The following DST variants were observed in gnomAD, a reference collection of about 807,000 sequenced individuals.
DST encodes the protein dystonin, also known as bullous pemphigoid antigen.
DST carries 253 observed loss-of-function variants against 875.2 expected under a neutral mutation model. The ratio of observed to expected loss-of-function variants is 0.29; its 90% CI spans 0.26 to 0.32. The LOEUF is 0.32. DST is among the 10% of genes least tolerant of loss of function. The pLI is 1.00. For missense variants in DST, 8,287 were observed against 9,111.6 expected (o/e 0.91, Z 3.68); for synonymous variants, 3,124 against 3,197.1 (o/e 0.98, Z 0.77).
chr6:56,500,777 T>C (rs901092440), intron 80 of DST, among the ~76,000 whole-genome samples: 3 of 152,242 alleles, frequency 2.0e-5, no homozygotes, highest in Middle Eastern at 3.4e-3. Context: ...ACAGGTATAA[T>C]TAAGGATTTA....
At chr6:56,753,724 C>T (rs1163026855) in intron 4 of DST, among the ~76,000 whole-genome samples, 2 of 152,010 alleles carry the variant, frequency 1.3e-5, no homozygotes, top group Admixed American at 6.5e-5. Context: ...AATGGGACTC[C>T]AAGAAACCTA....
chr6:56,881,957 A>ACAC (rs1372384878), intron 3 of DST, among the ~76,000 whole-genome samples: 3 of 152,220 alleles, frequency 2.0e-5, no homozygotes, highest in Non-Finnish European at 4.4e-5. Flanking sequence ...GATTTTTCAG[A>ACAC]CACCTCTCAG....
intron 2 of DST, among the ~76,000 whole-genome samples, chr6:56,920,459 C>T (rs1803510843): frequency 6.6e-6 from 1 of 152,044 alleles, no homozygotes; most frequent in Non-Finnish European, 1.5e-5. Context: ...CACCATGCGC[C>T]CAGCTACAAC....
At chr6:56,602,786 T>C in intron 43 of DST, 96 bp downstream of exon 43, 1 of 937,680 alleles carries the variant, frequency 1.1e-6, no homozygotes, top group Non-Finnish European at 1.5e-6. Flanking sequence ...AAATAATCCT[T>C]TGTAGCCTTA....
intron 4 of DST, among the ~76,000 whole-genome samples, chr6:56,769,182 A>T (rs1194795084): frequency 6.6e-6 from 1 of 152,234 alleles, no homozygotes; most frequent in Non-Finnish European, 1.5e-5. Flanking sequence ...TTGGCAAATA[A>T]GCATATAAAA....
chr6:56,593,117 G>A lies in DST; in HGVS notation c.12726+546C>T, dbSNP rs2098310155. ...CATCTTGTGGTCACACTGGATATTAGAGCATTTGAGAGCTGGGACTTCTGG... is the reference window on the plus strand; with the variant it reads ...CATCTTGTGGTCACACTGGATATTAAAGCATTTGAGAGCTGGGACTTCTGG... On this transcript the variant is annotated intron_variant, in intron 48 of 103. Transcript: ENST00000680361. 3.3e-5 allele frequency among the ~76,000 whole-genome samples: 5 copies of A among 152,212 alleles called. No individual in the cohort carries two copies. In the South Asian group the frequency reaches 1.0e-3, roughly 32 times the overall value.
intron 2 of DST, among the ~76,000 whole-genome samples, chr6:56,944,128 T>A (rs1344438444): frequency 6.6e-6 from 1 of 151,856 alleles, no homozygotes; most frequent in Non-Finnish European, 1.5e-5. Flanking sequence ...AATAAATAAA[T>A]AAAAATAAGA....
intron 2 of DST, among the ~76,000 whole-genome samples, chr6:56,951,314 G>A (rs1451791279): frequency 6.6e-6 from 1 of 152,206 alleles, no homozygotes; most frequent in Non-Finnish European, 1.5e-5. Flanking sequence ...TCTACTTACT[G>A]AGAATGGAAG....
chr6:56,922,069 T>C (rs1258590798), intron 2 of DST, among the ~76,000 whole-genome samples: 8 of 152,152 alleles, frequency 5.3e-5, no homozygotes, highest in South Asian at 2.1e-4. Flanking sequence ...CATTAAAATA[T>C]ATAAGTTCCT....
At chr6:56,890,749 A>G (rs553426175) in intron 3 of DST, among the ~76,000 whole-genome samples, 1 of 152,368 alleles carries the variant, frequency 6.6e-6, no homozygotes, top group African/African-American at 2.4e-5. Flanking sequence ...GACTGAAAGT[A>G]GCTAAAACTG....
intron 99 of DST, among the ~76,000 whole-genome samples, chr6:56,465,300 G>A (rs1294545134): frequency 6.6e-6 from 1 of 152,116 alleles, no homozygotes; most frequent in Non-Finnish European, 1.5e-5. Context: ...GTGAACATTT[G>A]TTGTTTGCTA....
intron 49 of DST, among the ~76,000 whole-genome samples, chr6:56,580,436 A>G (rs762860637): frequency 6.6e-6 from 1 of 151,904 alleles, no homozygotes; most frequent in Non-Finnish European, 1.5e-5. Flanking sequence ...TGTAGTCTCA[A>G]TTACTCAGGA....
Position 56,557,501 on chromosome 6 carries a change from G to A in DST, c.14458C>T (p.Leu4820Phe), listed in dbSNP as rs1329425408. The change falls in exon 59 of 104, where the codon CTC becomes TTC. Residue 4820 changes from leucine to phenylalanine, a missense_variant. By Grantham distance (22) the Leu-to-Phe change is conservative. This residue lies in a region of DST where 1,513 missense variants were observed against 1,677.8 expected (regional missense o/e 0.90). Transcript: ENST00000680361. ...TGTCTATCAATTGTTAATTGATTGAGTTCTTGCCACTTAGAATCTAAAAGA... is the reference window on the plus strand; with the variant it reads ...TGTCTATCAATTGTTAATTGATTGAATTCTTGCCACTTAGAATCTAAAAGA... Reference protein sequence around the residue: ...LTEIDSKWQELNQLTIDRQQK... With the variant: ...LTEIDSKWQEFNQLTIDRQQK... 1 of 1,609,318 alleles carries A rather than the reference G, an allele frequency of 6.2e-7. No homozygotes were observed.
chr6:56,936,303 T>C lies in DST; in HGVS notation c.216+17482A>G, dbSNP rs374549777. On this transcript the variant is annotated intron_variant, in intron 2 of 103. Coordinates refer to ENST00000680361, the MANE Select transcript of DST (RefSeq NM_001374736.1). ...GAATAGAATGCATTGAGCAGCTACT[T>C]GAGGATTCTGAAACGTAAACAGCAG... Among the ~76,000 whole-genome samples the C allele has an allele frequency of 9.2e-5, 14 of 152,320 alleles. No homozygotes were observed. In the East Asian group the frequency reaches 2.7e-3, roughly 29 times the overall value.
At chr6:56,698,330 T>A (rs1212876167) in intron 9 of DST, among the ~76,000 whole-genome samples, 211 of 137,638 alleles carry the variant, frequency 1.5e-3, no homozygotes, top group Middle Eastern at 3.7e-3. Context: ...AAAAAAAAAA[T>A]TTTTTTTTTT....
intron 49 of DST, among the ~76,000 whole-genome samples, chr6:56,586,488 G>GT (rs1241096338): frequency 1.3e-5 from 2 of 151,730 alleles, no homozygotes; most frequent in East Asian, 3.9e-4. Flanking sequence ...GCCTATGTGT[G>GT]TCTCTGCATG....
Position 56,911,602 on chromosome 6 carries a change from G to A in DST, c.217-10981C>T, listed in dbSNP as rs560491444. ...TCTATCCATGTAAAGCCAGACCCTC[G>A]TATGGATCTTTTTCTTTGATTTCCA... On this transcript the variant is annotated intron_variant, in intron 2 of 103. Coordinates refer to ENST00000680361, the MANE Select transcript of DST (RefSeq NM_001374736.1). Among the ~76,000 whole-genome samples, 10 of 152,254 alleles carry A rather than the reference G, an allele frequency of 6.6e-5. No homozygotes were observed. The South Asian group carries it at 8.3e-4, about 13-fold the overall frequency.
intron 2 of DST, among the ~76,000 whole-genome samples, chr6:56,921,676 G>GTGTATA (rs916131078): frequency 4.6e-5 from 7 of 152,018 alleles, no homozygotes; most frequent in Admixed American, 1.3e-4. Context: ...ATTAGAATAG[G>GTGTATA]TGTATATGTA....
chr6:56,479,868 C>T (rs1249174089), intron 90 of DST, among the ~76,000 whole-genome samples: 1 of 152,116 alleles, frequency 6.6e-6, no homozygotes, highest in Non-Finnish European at 1.5e-5. Context: ...CAAGTCCAGT[C>T]CCTACTATTA....
Sources: gnomAD v4.1 joint callset for allele counts (sites outside exome capture counted in the v4.1 genomes callset) on GRCh38, gnomAD v4.1.1 for gene constraint, gnomAD v4.1.1 regional missense constraint, MANE v1.5 for transcripts, NCBI Gene and HGNC (gene_info 2026-07-23, HGNC 2026-07-21) for gene names.